Variants in VBP1 observed in about 807,000 individuals in gnomAD.
VBP1 encodes the protein VHL binding protein 1.
In VBP1, 4 loss-of-function variants were observed where a neutral mutation model predicts 15.5. The ratio of observed to expected loss-of-function variants is 0.26; its 90% confidence interval spans 0.13 to 0.59. The LOEUF is 0.59. VBP1 is among the 20% of genes least tolerant of loss of function. VBP1 has a pLI of 0.90. For synonymous variants in VBP1, 61 were observed against 52.1 expected (o/e 1.17, Z -0.74); for missense variants, 108 against 139.6 (o/e 0.77, Z 1.14).
intron 4 of VBP1, among the ~76,000 whole-genome samples, chrX:155,234,449 G>C (rs1189310529): frequency 1.8e-5 from 2 of 110,652 alleles, no homozygotes; most frequent in Non-Finnish European, 3.8e-5. Context: ...AAGAATCCTG[G>C]TTTTCAGAAA....
intron 4 of VBP1, among the ~76,000 whole-genome samples, chrX:155,230,161 C>G (rs782786087): frequency 4.5e-5 from 5 of 111,556 alleles, no homozygotes; most frequent in Non-Finnish European, 9.4e-5. Flanking sequence ...AAAATCTGTT[C>G]TAGCCTCCTC....
At chrX:155,202,945 G>A (rs782711962) in intron 1 of VBP1, among the ~76,000 whole-genome samples, 17 of 111,654 alleles carry the variant, frequency 1.5e-4, no homozygotes, top group South Asian at 1.1e-3. Flanking sequence ...AAAAGTGGGC[G>A]AAGGACATGA....
intron 2 of VBP1, among the ~76,000 whole-genome samples, chrX:155,226,609 C>T (rs1294719390): frequency 8.9e-6 from 1 of 111,891 alleles, no homozygotes; most frequent in Non-Finnish European, 1.9e-5. Flanking sequence ...ACATTTTTCA[C>T]AGTGTGACAA....
At chrX:155,213,963 C>T (rs879947803), upstream of VBP1, among the ~76,000 whole-genome samples, 1 of 111,891 alleles carries the variant, frequency 8.9e-6, no homozygotes, top group Admixed American at 9.5e-5. Context: ...ATCCAGGCTA[C>T]AGAAATTGGT....
At chrX:155,204,240 C>T (rs2074618367) in intron 1 of VBP1, among the ~76,000 whole-genome samples, 2 of 111,017 alleles carry the variant, frequency 1.8e-5, no homozygotes, top group Non-Finnish European at 3.8e-5. Context: ...GCAACCTCTG[C>T]CCCCCGGGTT....
At chrX:155,212,530 C>T (rs1162505516), upstream of VBP1, among the ~76,000 whole-genome samples, 1 of 111,587 alleles carries the variant, frequency 9.0e-6, no homozygotes, top group Non-Finnish European at 1.9e-5. Flanking sequence ...CACCAGAGGT[C>T]GTAGTCAAAA....
intron 4 of VBP1, 21 bp downstream of exon 4, chrX:155,228,503 C>T: frequency 1.8e-6 from 2 of 1,140,096 alleles, no homozygotes; most frequent in Non-Finnish European, 2.4e-6. Context: ...GTTATAGCCA[C>T]AGCTGATATA....
chrX:155,198,469 C>T (rs1175855657), intron 1 of VBP1, among the ~76,000 whole-genome samples: 5 of 111,885 alleles, frequency 4.5e-5, no homozygotes, highest in Non-Finnish European at 7.6e-5. Context: ...CGCTGTTCTG[C>T]AGCCACTGCT....
intron 1 of VBP1, among the ~76,000 whole-genome samples, chrX:155,205,230 A>G (rs182135723): frequency 2.7e-5 from 3 of 112,213 alleles, no homozygotes; most frequent in African/African-American, 9.7e-5. Context: ...CCACACACCA[A>G]TTAGCTCATG....
chrX:155,227,175 C>G, intron 2 of VBP1, 60 bp from the exon 3 acceptor site: 1 of 1,010,751 alleles, frequency 9.9e-7, no homozygotes, highest in Admixed American at 2.5e-5. Flanking sequence ...TTAGTAAGAC[C>G]GTGTCCTGTT....
At chrX:155,220,456 G>A (rs782295398) in intron 2 of VBP1, 149 bp downstream of exon 2, 8 of 427,499 alleles carry the variant, frequency 1.9e-5, no homozygotes, top group East Asian at 1.4e-4. Flanking sequence ...CACCAGCAAC[G>A]TACAAGAGTT....
intron 1 of VBP1, among the ~76,000 whole-genome samples, chrX:155,204,364 G>T (rs2074619144): frequency 1.8e-5 from 2 of 110,930 alleles, no homozygotes; most frequent in South Asian, 3.8e-4. Flanking sequence ...TGTTGGCCAG[G>T]CTGGTCTTGA....
At chrX:155,206,984 TTAG>T (rs1167461256) in intron 1 of VBP1, among the ~76,000 whole-genome samples, 4 of 110,809 alleles carry the variant, frequency 3.6e-5, no homozygotes, top group African/African-American at 9.9e-5. Flanking sequence ...AAAAATAGAC[TTAG>T]TAAGAATTTA....
intron 1 of VBP1, 76 bp downstream of exon 1, chrX:155,216,651 C>T (rs2074666017): frequency 2.6e-6 from 3 of 1,141,151 alleles, no homozygotes; most frequent in Non-Finnish European, 3.5e-6. Context: ...CCCACCCAGG[C>T]CTCGACTGTT....
At position 155,206,745 on chromosome X, in the gene VBP1, T is replaced by A. The variant is rs141248325; in HGVS notation, c.-30-2129T>A. ...ACCTGCAAAAGAGGTGGAAAAGGAG[T>A]GGCCAGTGAGAGAGGAGGAAACACT... On this transcript the variant is annotated intron_variant, in intron 1 of 6. Transcript: ENST00000535916. Among the ~76,000 whole-genome samples, 918 of 109,816 alleles carry A rather than the reference T, an allele frequency of 8.4e-3. 6 individuals are homozygous for A. Among genetic ancestry groups the A allele is most frequent in the African/African-American group, 0.029 (876 of 30,119 alleles).
chrX:155,200,349 A>G (rs1455191921), intron 1 of VBP1, among the ~76,000 whole-genome samples: 20 of 105,893 alleles, frequency 1.9e-4, no homozygotes, highest in Non-Finnish European at 3.3e-4. Flanking sequence ...AATTGACCAC[A>G]TAGTTGGAAG....
intron 2 of VBP1, 106 bp downstream of exon 2, chrX:155,220,413 G>A: frequency 1.5e-6 from 1 of 687,752 alleles, no homozygotes. Flanking sequence ...CAAGTGTTCA[G>A]TCCTCCAAGG....
upstream of VBP1, among the ~76,000 whole-genome samples, chrX:155,214,465 T>C (rs1557308825): frequency 8.9e-6 from 1 of 112,465 alleles, no homozygotes; most frequent in Non-Finnish European, 1.9e-5. Flanking sequence ...ATACCCCCTT[T>C]CTAAAGAGAA....
chrX:155,223,333 G>A, intron 2 of VBP1, among the ~76,000 whole-genome samples: 1 of 108,156 alleles, frequency 9.2e-6, no homozygotes, highest in Non-Finnish European at 1.9e-5. Context: ...TTCCTAGGCA[G>A]AGGGCCCTGC....
Sources: gnomAD v4.1 joint callset for allele counts (sites outside exome capture counted in the v4.1 genomes callset) on GRCh38, gnomAD v4.1.1 for gene constraint, MANE v1.5 for transcripts, NCBI Gene and HGNC (gene_info 2026-07-23, HGNC 2026-07-21) for gene names.